The following KLHL2 variants were observed in gnomAD, a reference collection of about 807,000 sequenced individuals.
KLHL2 encodes the protein kelch-like protein 2.
In KLHL2, 15 loss-of-function variants were observed where a neutral mutation model predicts 75.8. The observed-to-expected ratio is 0.20, with a 90% confidence interval of 0.13 to 0.30. The LOEUF is 0.30. Among genes scored for constraint, KLHL2 ranks in the 10% least tolerant of loss-of-function variants. KLHL2 has a pLI of 1.00. For missense variants in KLHL2, 381 were observed against 741.0 expected, an observed-to-expected ratio of 0.51 and a Z score of 5.64; for synonymous variants, 214 against 251.9, an observed-to-expected ratio of 0.85 and a Z score of 1.42.
chr4:165,217,679 G>A (rs1432499418), intron 1 of KLHL2, among the ~76,000 whole-genome samples: 1 of 152,126 alleles, frequency 6.6e-6, no homozygotes, highest in Non-Finnish European at 1.5e-5. Context: ...CTGGGGTTTG[G>A]GGTTTGCTTA....
chr4:165,309,397 T>C (rs1438414525), intron 9 of KLHL2, among the ~76,000 whole-genome samples: 1 of 152,154 alleles, frequency 6.6e-6, no homozygotes. Context: ...TGAAAAAAGT[T>C]GAGAAAAGTG....
intron 5 of KLHL2, among the ~76,000 whole-genome samples, chr4:165,271,597 CAG>C (rs1366960663): frequency 1.3e-5 from 2 of 151,850 alleles, no homozygotes; most frequent in African/African-American, 4.8e-5. Context: ...CATCAGCAAA[CAG>C]AGATAGTTTG....
chr4:165,314,730 C>G (rs1326563316), intron 13 of KLHL2, among the ~76,000 whole-genome samples: 2 of 152,040 alleles, frequency 1.3e-5, no homozygotes, highest in Non-Finnish European at 2.9e-5. Flanking sequence ...AAGTAGAGAA[C>G]TTCAAGATTA....
rs977906653 is a variant in KLHL2, at chr4:165,220,157, T to C, written c.152+98T>C. On this transcript the variant is annotated intron_variant, in intron 2 of 14. Coordinates refer to ENST00000226725, the MANE Select transcript of KLHL2 (RefSeq NM_007246.4). ...TAATCAACCTTCCATTGTTGCTTTG[T>C]CTGGTACACAGAACATTAAAAGCTT... 18 of 1,512,922 alleles carry C rather than the reference T, an allele frequency of 1.2e-5. 1 individual carries two copies. In the African/African-American group the frequency reaches 2.2e-4, roughly 19 times the overall value. The allele number at this position is 1,512,922 out of a possible 1,614,324, so 93.7% of individuals were successfully genotyped here.
chr4:165,291,595 T>G (rs531484284), intron 5 of KLHL2, among the ~76,000 whole-genome samples: 1 of 152,322 alleles, frequency 6.6e-6, no homozygotes, highest in African/African-American at 2.4e-5. Context: ...TCTTTTTCTA[T>G]TGAATTGGCT....
At chr4:165,214,572 A>G (rs1233261333) in intron 1 of KLHL2, among the ~76,000 whole-genome samples, 1 of 152,102 alleles carries the variant, frequency 6.6e-6, no homozygotes, top group Non-Finnish European at 1.5e-5. Flanking sequence ...ATTATACTCC[A>G]ACTTCCATCC....
chr4:165,294,231 C>A (rs1172623518), intron 5 of KLHL2, 128 bp from the exon 6 acceptor site: 2 of 591,612 alleles, frequency 3.4e-6, no homozygotes, highest in Non-Finnish European at 6.0e-6. Flanking sequence ...TAGTTCTTGC[C>A]TGGAGGTGTG....
chr4:165,270,088 T>C (rs1346978730), intron 5 of KLHL2, among the ~76,000 whole-genome samples: 31 of 152,226 alleles, frequency 2.0e-4, no homozygotes, highest in Non-Finnish European at 8.8e-5. Flanking sequence ...ATCAGTGATA[T>C]CCTTTCTTCC....
intron 4 of KLHL2, among the ~76,000 whole-genome samples, chr4:165,242,852 G>A (rs1222111264): frequency 6.6e-6 from 1 of 152,188 alleles, no homozygotes; most frequent in Non-Finnish European, 1.5e-5. Flanking sequence ...GTGTGAGTCT[G>A]TGTGTGTATG....
At chr4:165,309,973 T>C (rs1355883939) in intron 9 of KLHL2, among the ~76,000 whole-genome samples, 1 of 151,924 alleles carries the variant, frequency 6.6e-6, no homozygotes, top group African/African-American at 2.4e-5. Context: ...TATTTAAGCT[T>C]GTAAATTGAT....
Position 165,322,164 on chromosome 4 carries a change from T to C in KLHL2, c.*104T>C. On this transcript the variant is annotated 3_prime_UTR_variant, in exon 15 of 15. Transcript: ENST00000226725. ...CACTTCTCCACTTGTAGCTGCACTT[T>C]AAGTCTCAGCAGAAGATACGATCGT... 3 of 1,073,368 alleles carry C rather than the reference T, an allele frequency of 2.8e-6. No individual in the cohort carries two copies. Among genetic ancestry groups the C allele is most frequent in the Non-Finnish European group, 4.3e-6 (3 of 690,982 alleles). 66.5% of individuals were successfully genotyped at this position (1,073,368 alleles called of 1,614,324 possible).
intron 1 of KLHL2, among the ~76,000 whole-genome samples, chr4:165,215,874 C>T (rs1357692075): frequency 6.6e-6 from 1 of 152,036 alleles, no homozygotes; most frequent in East Asian, 1.9e-4. Context: ...CTGGCTTTCT[C>T]CTATACTCCT....
intron 4 of KLHL2, among the ~76,000 whole-genome samples, chr4:165,257,088 A>G (rs1021893948): frequency 3.9e-5 from 6 of 152,228 alleles, no homozygotes; most frequent in African/African-American, 1.4e-4. Context: ...TATAATTAAT[A>G]GTTCTTTAGC....
At chr4:165,233,572 A>G (rs1215531989) in intron 3 of KLHL2, among the ~76,000 whole-genome samples, 1 of 152,184 alleles carries the variant, frequency 6.6e-6, no homozygotes. Flanking sequence ...AAAAAGCTAT[A>G]TACATGGTTA....
intron 3 of KLHL2, among the ~76,000 whole-genome samples, chr4:165,236,734 T>C (rs1739379908): frequency 6.6e-6 from 1 of 152,222 alleles, no homozygotes; most frequent in Admixed American, 6.5e-5. Context: ...GGCACATTTT[T>C]TATTTTTCTT....
chr4:165,271,722 A>T (rs1742712737), intron 5 of KLHL2, among the ~76,000 whole-genome samples: 1 of 152,214 alleles, frequency 6.6e-6, no homozygotes. Context: ...TGGAAGATAA[A>T]TCTGGTAGAA....
chr4:165,275,215 G>A (rs2126369951), intron 5 of KLHL2, among the ~76,000 whole-genome samples: 1 of 151,966 alleles, frequency 6.6e-6, no homozygotes, highest in African/African-American at 2.4e-5. Flanking sequence ...AACCCCAAGT[G>A]TACTAACTTA....
intron 1 of KLHL2, 36 bp from the exon 2 acceptor site, chr4:165,219,898 T>C (rs773283761): frequency 1.3e-6 from 2 of 1,576,794 alleles, no homozygotes; most frequent in South Asian, 2.4e-5. Context: ...TTTAATAAGA[T>C]CTTTTTCTGT....
intron 6 of KLHL2, among the ~76,000 whole-genome samples, chr4:165,296,762 C>T (rs532901060): frequency 2.6e-5 from 4 of 152,144 alleles, no homozygotes; most frequent in African/African-American, 9.7e-5. Context: ...TCTTGTTCAC[C>T]TAATCTCTGG....
Sources: allele counts gnomAD v4.1 joint callset (sites outside exome capture counted in the v4.1 genomes callset), GRCh38; gene constraint gnomAD v4.1.1; transcripts MANE v1.5; gene names NCBI Gene and HGNC (gene_info 2026-07-23, HGNC 2026-07-21).